The following SPAG16 variants were observed in gnomAD, a reference collection of about 807,000 sequenced individuals.
SPAG16 encodes sperm-associated antigen 16 protein.
In SPAG16, 86 loss-of-function variants were observed where a neutral mutation model predicts 80.4. The observed-to-expected ratio is 1.07, with a 90% CI of 0.90 to 1.28. The LOEUF is 1.28. SPAG16 is among the 50% of genes most tolerant of loss of function. The pLI, the probability that SPAG16 is intolerant of heterozygous loss-of-function variation, is 0.00. For missense variants in SPAG16, 870 were observed against 765.3 expected (o/e 1.14, Z -1.61); for synonymous variants, 294 against 265.9 (o/e 1.11, Z -1.03).
intron 10 of SPAG16, among the ~76,000 whole-genome samples, chr2:213,609,165 A>G (rs2061363146): frequency 6.6e-6 from 1 of 152,172 alleles, no homozygotes; most frequent in African/African-American, 2.4e-5. Flanking sequence ...TATCCACTGA[A>G]TTTTTCCATT....
intron 10 of SPAG16, among the ~76,000 whole-genome samples, chr2:213,573,447 CT>C (rs1294191461): frequency 6.6e-6 from 1 of 152,178 alleles, no homozygotes; most frequent in Admixed American, 6.5e-5. Context: ...TTGCATTAAT[CT>C]GTACATGATG....
chr2:213,560,867 A>C (rs1240524325), intron 10 of SPAG16, among the ~76,000 whole-genome samples: 1 of 152,166 alleles, frequency 6.6e-6, no homozygotes, highest in Non-Finnish European at 1.5e-5. Context: ...GCAACCATTA[A>C]CTTTTTTTGT....
At chr2:214,027,800 G>A (rs1201760640) in intron 13 of SPAG16, among the ~76,000 whole-genome samples, 1 of 151,890 alleles carries the variant, frequency 6.6e-6, no homozygotes, top group African/African-American at 2.4e-5. Context: ...ATTTGACACA[G>A]GATTTTGGAC....
chr2:213,768,416 C>G (rs2069062405), intron 10 of SPAG16, among the ~76,000 whole-genome samples: 1 of 152,164 alleles, frequency 6.6e-6, no homozygotes, highest in South Asian at 2.1e-4. Context: ...TCTGAAAGCT[C>G]TGTTGTGAAT....
rs561177131 is a variant in SPAG16 at position 213,331,337 on chromosome 2, C to T, written c.537-8826C>T. On this transcript the variant is annotated intron_variant, in intron 5 of 15. Coordinates refer to ENST00000331683, the MANE Select transcript of SPAG16 (RefSeq NM_024532.5). ...AGAACCTGATCTTGGCAGGATTTAC[C>T]GTCATAAGAATGTCATTATTTAATG... Among the ~76,000 whole-genome samples, 26 of 152,198 alleles carry T rather than the reference C, an allele frequency of 1.7e-4. No homozygotes were observed. The South Asian group carries it at 3.1e-3, about 18-fold the overall frequency.
chr2:213,591,732 G>C (rs563503717), intron 10 of SPAG16, among the ~76,000 whole-genome samples: 11 of 152,070 alleles, frequency 7.2e-5, no homozygotes, highest in Non-Finnish European at 1.5e-4. Flanking sequence ...AGGGGTCAGC[G>C]GATGGAAAAT....
At chr2:213,825,363 G>A (rs927596504) in intron 10 of SPAG16, among the ~76,000 whole-genome samples, 11 of 152,044 alleles carry the variant, frequency 7.2e-5, no homozygotes, top group Non-Finnish European at 1.5e-4. Flanking sequence ...CTGTGAGTCT[G>A]TTGTATATGG....
rs757150530 is a variant in SPAG16, at chr2:213,284,609, C to A, written c.126C>A (p.Tyr42Ter). The change falls in exon 1 of 16, where the codon TAC (tyrosine) becomes TAA (stop). Residue 42 changes from tyrosine (Y) to a stop codon, truncating the protein, a stop_gained. Transcript: ENST00000331683. LOFTEE classifies it high-confidence loss of function. ...ACGCGGTGGCGGCTGAGGGCGCCTA[C>A]TACCTGGAACGTATCCTTCCCGTGG... ...TADAVAAEGA[Y>*]YLEQVTITEA... 10 of 1,609,450 alleles carry A rather than the reference C, an allele frequency of 6.2e-6. No homozygotes were observed. In the South Asian group the frequency reaches 1.1e-4, roughly 18 times the overall value.
chr2:213,605,832 T>A (rs531519770), intron 10 of SPAG16, among the ~76,000 whole-genome samples: 1 of 152,308 alleles, frequency 6.6e-6, no homozygotes, highest in South Asian at 2.1e-4. Flanking sequence ...ATAATTTACA[T>A]ATACATAGTA....
intron 9 of SPAG16, among the ~76,000 whole-genome samples, chr2:213,476,196 A>G (rs986353715): frequency 6.6e-6 from 1 of 152,238 alleles, no homozygotes; most frequent in African/African-American, 2.4e-5. Context: ...GATAGAAGCC[A>G]CAAGAGTCTT....
At chr2:214,253,131 C>A (rs1576602552) in intron 15 of SPAG16, among the ~76,000 whole-genome samples, 1 of 150,012 alleles carries the variant, frequency 6.7e-6, no homozygotes, top group African/African-American at 2.5e-5. Flanking sequence ...TATCCTTCAC[C>A]CACTTTTTGA....
intron 15 of SPAG16, among the ~76,000 whole-genome samples, chr2:214,234,057 C>G (rs574134959): frequency 2.9e-5 from 4 of 137,252 alleles, no homozygotes; most frequent in South Asian, 2.7e-4. Flanking sequence ...TTTCAATAGG[C>G]CCCAGTATGT....
intron 15 of SPAG16, among the ~76,000 whole-genome samples, chr2:214,333,952 C>A (rs1034961138): frequency 6.6e-6 from 1 of 152,138 alleles, no homozygotes; most frequent in African/African-American, 2.4e-5. Flanking sequence ...CAAGAATAAT[C>A]CTAGTAGTAT....
chr2:213,360,743 G>A (rs2065934794), intron 7 of SPAG16, among the ~76,000 whole-genome samples: 1 of 152,284 alleles, frequency 6.6e-6, no homozygotes, highest in Middle Eastern at 3.4e-3. Flanking sequence ...CAAAGTATGT[G>A]TACAGAGAAA....
chr2:213,372,647 A>G (rs1347826209), intron 8 of SPAG16, among the ~76,000 whole-genome samples: 2 of 152,158 alleles, frequency 1.3e-5, no homozygotes, highest in African/African-American at 2.4e-5. Flanking sequence ...CTAATTACAT[A>G]GATCTAACCA....
intron 9 of SPAG16, among the ~76,000 whole-genome samples, chr2:213,465,707 C>A (rs545444396): frequency 6.6e-6 from 1 of 152,198 alleles, no homozygotes; most frequent in Non-Finnish European, 1.5e-5. Context: ...AACTTAGTAG[C>A]CTCTGGCACC....
At chr2:213,704,031 G>T (rs1253423423) in intron 10 of SPAG16, among the ~76,000 whole-genome samples, 1 of 152,170 alleles carries the variant, frequency 6.6e-6, no homozygotes, top group African/African-American at 2.4e-5. Context: ...TAAAGTCAAA[G>T]ATGAGAGTGC....
At chr2:213,727,427 T>TG (rs1238846610) in intron 10 of SPAG16, among the ~76,000 whole-genome samples, 2 of 152,064 alleles carry the variant, frequency 1.3e-5, no homozygotes, top group Non-Finnish European at 2.9e-5. Flanking sequence ...TTTGAGTGCT[T>TG]GATATCAATT....
intron 15 of SPAG16, among the ~76,000 whole-genome samples, chr2:214,402,482 T>TC (rs1227076182): frequency 6.6e-6 from 1 of 152,068 alleles, no homozygotes; most frequent in Non-Finnish European, 1.5e-5. Flanking sequence ...GAACTGTTTT[T>TC]TTTTTCAGGA....
Sources: gnomAD v4.1 joint callset for allele counts (sites outside exome capture counted in the v4.1 genomes callset) on GRCh38, gnomAD v4.1.1 for gene constraint, MANE v1.5 for transcripts, NCBI Gene and HGNC (gene_info 2026-07-23, HGNC 2026-07-21) for gene names.